Variants in RGMB observed in about 807,000 individuals in gnomAD.
The protein encoded by RGMB is repulsive guidance molecule B.
Under a neutral mutation model 26.9 loss-of-function variants are expected in RGMB, and 16 were observed. That is an observed-to-expected ratio of 0.60 (90% CI 0.40 to 0.90). RGMB has a LOEUF of 0.90. Ranked by LOEUF, RGMB falls within the 40% of genes least tolerant of loss-of-function variation. The probability of loss-of-function intolerance (pLI) is 0.00; values close to 1 mark genes in which losing one functional copy is unlikely to be tolerated. For synonymous variants in RGMB, 225 were observed against 229.3 expected, an observed-to-expected ratio of 0.98 and a Z score of 0.17; for missense variants, 512 against 573.3, an observed-to-expected ratio of 0.89 and a Z score of 1.09.
chr5:98,793,587 A>G lies in RGMB; in HGVS notation c.1148A>G (p.Asn383Ser), dbSNP rs377352086. Residue 383 changes from asparagine (N) to serine (S), a missense_variant, in exon 3 of 3, where the codon AAC becomes AGC. Coordinates refer to ENST00000513185, the MANE Select transcript of RGMB (RefSeq NM_001366508.1). ...VFDLLTTGDA[N>S]FTAAAHSALE... ...GACCTGCTCACCACTGGTGATGCCA[A>G]CTTTACTGCCGCAGCCCACAGTGCC... 21 of 1,613,834 alleles carry G rather than the reference A, an allele frequency of 1.3e-5. No individual in the cohort carries two copies. Among genetic ancestry groups the G allele is most frequent in the South Asian group, 3.3e-5 (3 of 91,082 alleles).
At position 98,795,145 on chromosome 5, in the gene RGMB, G is replaced by C. The variant is rs1472477992; in HGVS notation, c.*1392G>C. 2 of 152,220 alleles carry C rather than the reference G, an allele frequency of 1.3e-5. No homozygotes were observed. The highest frequency in any genetic ancestry group is 2.9e-5 in the Non-Finnish European group (2 of 68,068). The allele number at this position is 152,220 out of a possible 1,614,324, so 9.4% of individuals were successfully genotyped here. On this transcript the variant is annotated 3_prime_UTR_variant, in exon 3 of 3. Transcript: ENST00000513185. ...ACCCCCTTGCAAAAGGAAAAGAACA[G>C]CAAAAGTCAGGAGCAGTAATCTGAG...
rs773127903 is a variant in RGMB, at chr5:98,793,688, C to T, written c.1249C>T (p.Arg417Cys). 5.6e-6 allele frequency: 9 copies of T among 1,611,972 alleles called. No homozygotes were observed. The highest frequency in any genetic ancestry group is 2.2e-5 in the East Asian group (1 of 44,796). Residue 417 changes from arginine (R) to cysteine (C), a missense_variant, in exon 3 of 3, where the codon CGT becomes TGT. By Grantham distance (180) the Arg-to-Cys change is radical. Coordinates refer to ENST00000513185, the MANE Select transcript of RGMB (RefSeq NM_001366508.1). ...CCCCAGCAGTGGCAATGGGACTCCC[C>T]GTGGAGGCAGTGATTTGTCTGTCAG... ...IFPSSGNGTP[R>C]GGSDLSVSLG... is the part of the protein sequence containing the mutation.
At chr5:98,778,482 C>T (rs868488648) in intron 1 of RGMB, among the ~76,000 whole-genome samples, 18 of 152,080 alleles carry the variant, frequency 1.2e-4, no homozygotes, top group South Asian at 4.1e-4. Context: ...GATTAAGAGA[C>T]GTCTCCATAG....
Position 98,795,425 on chromosome 5 carries a change from C to T in RGMB, c.*1672C>T, listed in dbSNP as rs1016590120. On this transcript the variant is annotated 3_prime_UTR_variant, in exon 3 of 3. Coordinates refer to ENST00000513185, the MANE Select transcript of RGMB (RefSeq NM_001366508.1). ...CATACCGGCAAGAGGAAGAGGACGT[C>T]ATTTTGTAAAGTTTAACTTCTTAGC... is the stretch of plus-strand genomic sequence containing the variant. 1.3e-5 allele frequency: 2 copies of T among 152,230 alleles called. No individual in the cohort carries two copies. Among genetic ancestry groups the T allele is most frequent in the African/African-American group, 2.4e-5 (1 of 41,456 alleles). 9.4% of individuals were successfully genotyped at this position (152,230 alleles called of 1,614,324 possible).
chr5:98,793,755 G>A lies in RGMB; in HGVS notation c.*2G>A, dbSNP rs1336181731. ...TTGATCCTTATCGTGTTTTTGTAGG[G>A]GTTGTCTTTTGTTTTGGTTTTTTAT... On this transcript the variant is annotated 3_prime_UTR_variant, in exon 3 of 3. Coordinates refer to ENST00000513185, the MANE Select transcript of RGMB (RefSeq NM_001366508.1). 6.5e-7 allele frequency: 1 copy of A among 1,527,904 alleles called. No homozygotes were observed. Among genetic ancestry groups the A allele is most frequent in the Non-Finnish European group, 8.8e-7 (1 of 1,138,588 alleles). 94.6% of individuals were successfully genotyped at this position (1,527,904 alleles called of 1,614,324 possible). A position where few individuals can be genotyped will look rare whatever the true frequency, so the allele number is the denominator to read the frequency against.
intron 2 of RGMB, 127 bp downstream of exon 2, chr5:98,780,215 CA>C: frequency 1.2e-6 from 1 of 822,550 alleles, no homozygotes; most frequent in Admixed American, 2.4e-5. Flanking sequence ...AAGCAATTAA[CA>C]GTTGATAAAG....
chr5:98,771,364 T>C (rs1313544905), upstream of RGMB, among the ~76,000 whole-genome samples: 1 of 152,198 alleles, frequency 6.6e-6, no homozygotes, highest in African/African-American at 2.4e-5. Flanking sequence ...TTGTACAATA[T>C]AAAGTCGTTT....
chr5:98,786,167 A>G (rs894231740), intron 2 of RGMB, among the ~76,000 whole-genome samples: 2 of 152,176 alleles, frequency 1.3e-5, no homozygotes, highest in African/African-American at 4.8e-5. Flanking sequence ...GTCTTTTACC[A>G]TCTTTCTAAT....
At chr5:98,780,110 C>A in intron 2 of RGMB, 22 bp downstream of exon 2, 1 of 1,588,422 alleles carries the variant, frequency 6.3e-7, no homozygotes. Flanking sequence ...TTCTTTTTTC[C>A]CTCTCCCTAC....
At chr5:98,785,405 T>G (rs1287061184) in intron 2 of RGMB, among the ~76,000 whole-genome samples, 1 of 152,290 alleles carries the variant, frequency 6.6e-6, no homozygotes, top group African/African-American at 2.4e-5. Flanking sequence ...ATTTAGCAAG[T>G]TGGCAGGGGT....
upstream of RGMB, among the ~76,000 whole-genome samples, chr5:98,769,081 G>A (rs902422969): frequency 2.0e-5 from 3 of 152,210 alleles, no homozygotes; most frequent in African/African-American, 7.2e-5. Context: ...GGTGGCGCTG[G>A]CGGCGTGAAA....
In RGMB at chr5:98,782,342, C is replaced by T. The variant is rs145359724; in HGVS notation, c.645+2254C>T. 2.8e-3 allele frequency among the ~76,000 whole-genome samples: 421 copies of T among 152,258 alleles called. 1 individual carries two copies. The highest frequency in any genetic ancestry group is 9.0e-3 in the African/African-American group (375 of 41,546). ...AGGACCAAAATAAAACCTTTAAAAA[C>T]CTTCAGCACAAAAAAGTGGTGGTGA... is the stretch of plus-strand genomic sequence containing the variant. On this transcript the variant is annotated intron_variant, in intron 2 of 2. Coordinates refer to ENST00000513185, the MANE Select transcript of RGMB (RefSeq NM_001366508.1).
chr5:98,772,652 C>T (rs944346004), upstream of RGMB: 4 of 152,194 alleles, frequency 2.6e-5, no homozygotes, highest in Non-Finnish European at 4.4e-5. Flanking sequence ...TCATCAGTCT[C>T]ATAACTGCTT....
chr5:98,791,652 T>C (rs1746933937), intron 2 of RGMB, among the ~76,000 whole-genome samples: 1 of 152,208 alleles, frequency 6.6e-6, no homozygotes, highest in African/African-American at 2.4e-5. Context: ...TTTTTGTTTT[T>C]TCAAGAAGGA....
At chr5:98,788,366 G>T (rs1223422275) in intron 2 of RGMB, among the ~76,000 whole-genome samples, 1 of 152,154 alleles carries the variant, frequency 6.6e-6, no homozygotes, top group Non-Finnish European at 1.5e-5. Context: ...AGTGGTGATT[G>T]TAAAATTACA....
intron 2 of RGMB, 105 bp from the exon 3 acceptor site, chr5:98,792,980 T>TTAAGCCATTCAGCTTC: frequency 2.3e-6 from 2 of 876,334 alleles, no homozygotes; most frequent in Non-Finnish European, 3.4e-6. Context: ...AGATTCCGCC[T>TTAAGCCATTCAGCTTC]TAAGCCATTC....
chr5:98,787,875 C>T (rs1468875901), intron 2 of RGMB, among the ~76,000 whole-genome samples: 1 of 152,184 alleles, frequency 6.6e-6, no homozygotes, highest in Non-Finnish European at 1.5e-5. Context: ...CTTTCATTCT[C>T]GTTTTAGCCA....
intron 2 of RGMB, among the ~76,000 whole-genome samples, chr5:98,783,758 C>T (rs1032524739): frequency 1.3e-5 from 2 of 152,158 alleles, no homozygotes; most frequent in Admixed American, 6.5e-5. Context: ...TTAAAATTGC[C>T]AGTCTCCAGG....
intron 2 of RGMB, among the ~76,000 whole-genome samples, chr5:98,790,476 C>T (rs1746894660): frequency 1.3e-5 from 2 of 152,154 alleles, no homozygotes; most frequent in African/African-American, 4.8e-5. Flanking sequence ...TTTTGAGCTT[C>T]TAGATAGGTA....
Sources: allele counts gnomAD v4.1 joint callset (sites outside exome capture counted in the v4.1 genomes callset), GRCh38; gene constraint gnomAD v4.1.1; transcripts MANE v1.5; gene names NCBI Gene and HGNC (gene_info 2026-07-23, HGNC 2026-07-21).